MIDN: variants seen among roughly 807,000 people sequenced by gnomAD.
MIDN encodes the protein midnolin.
In MIDN, 26 loss-of-function variants were observed where a neutral mutation model predicts 46.1. The observed-to-expected ratio is 0.56, with a 90% CI of 0.41 to 0.78. The LOEUF (loss-of-function observed/expected upper bound fraction) is 0.78. Ranked by LOEUF, MIDN falls within the 30% of genes least tolerant of loss-of-function variation. The pLI, the probability that MIDN is intolerant of heterozygous loss-of-function variation, is 0.00. For synonymous variants in MIDN, 432 were observed against 343.3 expected (o/e 1.26, Z -2.86); for missense variants, 850 against 771.8 (o/e 1.10, Z -1.20).
Position 1,257,008 on chromosome 19 carries a change from G to C in MIDN, c.1272G>C (p.Arg424=). 6.2e-7 allele frequency: 1 copy of C among 1,610,362 alleles called. No homozygotes were observed. Residue 424 remains arginine (R), a synonymous_variant, in exon 9 of 9, where the codon CGG becomes CGC. Coordinates refer to ENST00000682408, the MANE Select transcript of MIDN (RefSeq NM_001388306.1). ...CCTCCTTTGCAGGGGACCGGCTTCG[G>C]CAGACAGAAAACCGCGCCACGCGCT... The part of the protein sequence containing the change: ...RMCKPPGDRL[R]QTENRATRCK...
chr19:1,254,263 G>T lies in MIDN; in HGVS notation c.610G>T (p.Ala204Ser). The T allele has an allele frequency of 6.3e-7, 1 of 1,586,834 alleles. No individual in the cohort carries two copies. The highest frequency in any genetic ancestry group is 2.3e-5 in the East Asian group (1 of 44,098). The change falls in exon 6 of 9, where the codon GCT becomes TCT. Residue 204 changes from alanine (A) to serine (S), a missense_variant. By Grantham distance (99) the Ala-to-Ser change is moderately conservative. Transcript: ENST00000682408. ...GCAGCTGCAGCTCGCGGCCCAGCAC[G>T]CTCCACTGCAACACCGCCATGTGCT... is the stretch of plus-strand genomic sequence containing the variant. ...FVQLQLAAQH[A>S]PLQHRHVLAA...
chr19:1,249,646 C>G (rs1427311572), intron 1 of MIDN, among the ~76,000 whole-genome samples: 1 of 147,838 alleles, frequency 6.8e-6, no homozygotes, highest in Admixed American at 6.7e-5. Flanking sequence ...GCCCCGCCCC[C>G]GCTGCGCTCC....
chr19:1,249,327 C>T (rs997270634), intron 1 of MIDN, among the ~76,000 whole-genome samples: 11 of 150,508 alleles, frequency 7.3e-5, no homozygotes, highest in Non-Finnish European at 1.5e-4. Flanking sequence ...CTAGCCTCAC[C>T]GTCGCCCGCC....
intron 6 of MIDN, 118 bp from the exon 7 acceptor site, chr19:1,254,784 A>C (rs771653495): frequency 3.0e-5 from 37 of 1,232,062 alleles, no homozygotes; most frequent in Non-Finnish European, 4.2e-5. Context: ...GTTTATCTCT[A>C]AACCCTGTGT....
Position 1,257,655 on chromosome 19 carries a change from A to C in MIDN, c.*383A>C. The C allele has an allele frequency of 4.7e-6, 1 of 213,684 alleles. No individual in the cohort carries two copies. Among genetic ancestry groups the C allele is most frequent in the Non-Finnish European group, 9.3e-6 (1 of 107,512 alleles). 13.2% of individuals were successfully genotyped at this position (213,684 alleles called of 1,614,324 possible). The stretch of plus-strand genomic sequence containing the variant: ...TGAAGGAGACGGAGAAACGCGCCCC[A>C]TCCCTTCCGCCGCCTCCTTTCCCCC... On this transcript the variant is annotated 3_prime_UTR_variant, in exon 9 of 9. Transcript: ENST00000682408.
Position 1,251,708 on chromosome 19 carries a change from C to A in MIDN, c.321+59C>A, listed in dbSNP as rs928717181. The A allele has an allele frequency of 3.7e-5, 57 of 1,541,834 alleles. 1 individual carries two copies. Among genetic ancestry groups the A allele is most frequent in the Middle Eastern group, 1.7e-4 (1 of 5,926 alleles). ...CCCCCGCACACAGGCAGTAGCCCCT[C>A]CCTCGGTACCTGTCCGCACACACAC... On this transcript the variant is annotated intron_variant, in intron 3 of 8. Coordinates refer to ENST00000682408, the MANE Select transcript of MIDN (RefSeq NM_001388306.1).
rs1463017397 is a variant in MIDN at position 1,256,430 on chromosome 19, C to G, written c.1259-565C>G. Among the ~76,000 whole-genome samples the G allele has an allele frequency of 2.7e-5, 4 of 149,508 alleles. No individual in the cohort carries two copies. The Admixed American group carries it at 2.7e-4, about 10-fold the overall frequency. The stretch of plus-strand genomic sequence containing the variant: ...CCCAGAGGCGGAGCTTGCAGTGAGC[C>G]GAGATCGCGCCACTGCACTCCAGCC... On this transcript the variant is annotated intron_variant, in intron 8 of 8. Transcript: ENST00000682408.
chr19:1,257,752 C>T lies in MIDN; in HGVS notation c.*480C>T, dbSNP rs749732458. Reference sequence around the variant, plus strand: ...GCACTTTACAGATGAGGGGAGGGGCCGCAGTGCGCAGAACCCACCCCACCC... The same window carrying T: ...GCACTTTACAGATGAGGGGAGGGGCTGCAGTGCGCAGAACCCACCCCACCC... On this transcript the variant is annotated 3_prime_UTR_variant, in exon 9 of 9. Coordinates refer to ENST00000682408, the MANE Select transcript of MIDN (RefSeq NM_001388306.1). 136 of 161,986 alleles carry T rather than the reference C, an allele frequency of 8.4e-4. 1 individual carries two copies. The highest frequency in any genetic ancestry group is 2.3e-4 in the Non-Finnish European group (17 of 73,926). 10.0% of individuals were successfully genotyped at this position (161,986 alleles called of 1,614,324 possible). A position where few individuals can be genotyped will look rare whatever the true frequency, so the allele number is the denominator to read the frequency against.
Position 1,250,403 on chromosome 19 carries a change from A to G in MIDN, c.107A>G (p.His36Arg). Residue 36 changes from histidine to arginine, a missense_variant, in exon 2 of 9, where the codon CAC becomes CGC. Physicochemically the swap from His to Arg is conservative, Grantham distance 29. Transcript: ENST00000682408. ...GCGGCGCCCATGAGCCTCGCCATCCACAGCACCACGGGCACCCGCTACGAC... is the reference window on the plus strand; with the variant it reads ...GCGGCGCCCATGAGCCTCGCCATCCGCAGCACCACGGGCACCCGCTACGAC... Reference protein sequence around the residue: ...AEAAPMSLAIHSTTGTRYDLA... With the variant: ...AEAAPMSLAIRSTTGTRYDLA... 2 of 1,322,172 alleles carry G rather than the reference A, an allele frequency of 1.5e-6. No individual in the cohort carries two copies. Among genetic ancestry groups the G allele is most frequent in the South Asian group, 1.7e-5 (1 of 58,384 alleles). The allele number at this position is 1,322,172 out of a possible 1,614,324, so 81.9% of individuals were successfully genotyped here. A position where few individuals can be genotyped will look rare whatever the true frequency, so the allele number is the denominator to read the frequency against.
chr19:1,254,419 C>T lies in MIDN; in HGVS notation c.766C>T (p.Pro256Ser), dbSNP rs1189136661. The T allele has an allele frequency of 6.4e-7, 1 of 1,566,804 alleles. No homozygotes were observed. ...PVPTSPSPAS[P>S]SPITAGSFRS... Reference sequence around the variant, plus strand: ...GCCCACCAGCCCGTCCCCTGCATCTCCCTCGCCCATCACAGCCGGCTCCTT... The same window carrying T: ...GCCCACCAGCCCGTCCCCTGCATCTTCCTCGCCCATCACAGCCGGCTCCTT... Residue 256 changes from proline (P) to serine (S), a missense_variant, in exon 6 of 9, where the codon CCC becomes TCC. Physicochemically the swap from Pro to Ser is moderately conservative, Grantham distance 74 (BLOSUM62 -1). Coordinates refer to ENST00000682408, the MANE Select transcript of MIDN (RefSeq NM_001388306.1).
rs775164553 is a variant in MIDN at position 1,255,590 on chromosome 19, C to T, written c.1154C>T (p.Ala385Val). The T allele has an allele frequency of 2.2e-5, 35 of 1,610,278 alleles. No homozygotes were observed. Among genetic ancestry groups the T allele is most frequent in the Admixed American group, 1.0e-4 (6 of 59,950 alleles). The change falls in exon 8 of 9, where the codon GCC (alanine) becomes GTC (valine). Residue 385 changes from alanine (A) to valine (V), a missense_variant. By Grantham distance (64) the Ala-to-Val change is moderately conservative. Coordinates refer to ENST00000682408, the MANE Select transcript of MIDN (RefSeq NM_001388306.1). ...GCCCAGTGCTCCCCGGCCTCACCGG[C>T]CCCCGACCTGGCCCCCAGAACTACC... ...CHAQCSPASP[A>V]PDLAPRTTSC...
Position 1,257,091 on chromosome 19 carries a change from G to A in MIDN, c.1355G>A (p.Arg452Gln), listed in dbSNP as rs2145499651. The change falls in exon 9 of 9, where the codon CGG becomes CAG. Residue 452 changes from arginine (R) to glutamine (Q), a missense_variant. Transcript: ENST00000682408. Reference sequence around the variant, plus strand: ...CAGAAACGGCTCCGTAGAAAGGCCCGGCGGGACGCGCGGGGTCCGTACCAC... The same window carrying A: ...CAGAAACGGCTCCGTAGAAAGGCCCAGCGGGACGCGCGGGGTCCGTACCAC... ...LQQKRLRRKARRDARGPYHWS... is the reference protein window; with the variant it reads ...LQQKRLRRKAQRDARGPYHWS... 2.5e-6 allele frequency: 4 copies of A among 1,612,114 alleles called. No homozygotes were observed. Among genetic ancestry groups the A allele is most frequent in the Non-Finnish European group, 3.4e-6 (4 of 1,179,764 alleles).
intron 8 of MIDN, among the ~76,000 whole-genome samples, chr19:1,256,733 G>A (rs910394227): frequency 2.6e-5 from 4 of 152,068 alleles, no homozygotes; most frequent in African/African-American, 4.8e-5. Flanking sequence ...GGCCTGTCTC[G>A]AACTCCTGAG....
intron 8 of MIDN, 106 bp from the exon 9 acceptor site, chr19:1,256,889 G>A: frequency 2.0e-6 from 3 of 1,533,378 alleles, no homozygotes; most frequent in South Asian, 2.3e-5. Context: ...CTCCAGGGAG[G>A]GCAGGACTGT....
In MIDN at chr19:1,255,683, G is replaced by A; in HGVS notation, c.1247G>A (p.Cys416Tyr). 1 of 1,584,612 alleles carries A rather than the reference G, an allele frequency of 6.3e-7. No homozygotes were observed. The highest frequency in any genetic ancestry group is 8.6e-7 in the Non-Finnish European group (1 of 1,169,370). ...LLQGQSQIRM[C>Y]KPPGDRLRQT... ...CAGGGCCAGAGCCAGATCCGCATGTGCAAGCCCCCGGGTGAGTGGCCACCC... is the reference window on the plus strand; with the variant it reads ...CAGGGCCAGAGCCAGATCCGCATGTACAAGCCCCCGGGTGAGTGGCCACCC... Residue 416 changes from cysteine (C) to tyrosine (Y), a missense_variant, in exon 8 of 9, where the codon TGC becomes TAC. Transcript: ENST00000682408.
rs772126592 is a variant in MIDN at position 1,257,079 on chromosome 19, G to A, written c.1343G>A (p.Arg448His). ...CTGCTTCTGCAGCAGAAACGGCTCC[G>A]TAGAAAGGCCCGGCGGGACGCGCGG... ...LQLLLQQKRL[R>H]RKARRDARGP... Residue 448 changes from arginine (R) to histidine (H), a missense_variant, in exon 9 of 9, where the codon CGT (arginine) becomes CAT (histidine). Arg to His is a conservative substitution (Grantham distance 29, BLOSUM62 0). Transcript: ENST00000682408. The A allele has an allele frequency of 9.9e-6, 16 of 1,612,336 alleles. No individual in the cohort carries two copies. Among genetic ancestry groups the A allele is most frequent in the East Asian group, 2.2e-5 (1 of 44,880 alleles).
At chr19:1,252,150 TG>T (rs1330415264) in intron 4 of MIDN, among the ~76,000 whole-genome samples, 1 of 152,174 alleles carries the variant, frequency 6.6e-6, no homozygotes, top group Non-Finnish European at 1.5e-5. Context: ...TTCACAAGAC[TG>T]CCTGCAGGAT....
intron 3 of MIDN, 88 bp downstream of exon 3, chr19:1,251,737 C>A: frequency 6.6e-7 from 1 of 1,521,736 alleles, no homozygotes; most frequent in Non-Finnish European, 9.0e-7. Flanking sequence ...CACACACTAC[C>A]TGGGGCCCCC....
intron 4 of MIDN, 136 bp from the exon 5 acceptor site, chr19:1,253,818 G>A (rs1002200113): frequency 6.8e-5 from 43 of 628,826 alleles, no homozygotes; most frequent in South Asian, 4.2e-4. Flanking sequence ...GTGGGGGAAA[G>A]GCAAAGTGAA....
Sources: allele counts gnomAD v4.1 joint callset (sites outside exome capture counted in the v4.1 genomes callset), GRCh38; gene constraint gnomAD v4.1.1; transcripts MANE v1.5; gene names NCBI Gene and HGNC (gene_info 2026-07-23, HGNC 2026-07-21).